NDST4: variants seen among roughly 807,000 people sequenced by gnomAD.
NDST4 encodes N-deacetylase and N-sulfotransferase 4.
NDST4 carries 63 observed loss-of-function variants against 100.8 expected under a neutral mutation model. That is an observed-to-expected ratio of 0.62 (90% CI 0.51 to 0.77). NDST4 has a LOEUF of 0.77. NDST4 is among the 30% of genes least tolerant of loss of function. The probability of loss-of-function intolerance (pLI) is 0.00; values close to 1 mark genes in which losing one functional copy is unlikely to be tolerated. For synonymous variants in NDST4, 377 were observed against 361.8 expected (o/e 1.04, Z -0.48); for missense variants, 943 against 1,018.4 (o/e 0.93, Z 1.01).
rs558836038 is a variant in NDST4, at chr4:114,975,794, T to C, written c.1066+1393A>G. ...TAATTTTTCCCCCTGCATGAGTAGA[T>C]ATAGCCTTTAAAGCTATCTGCTTTA... On this transcript the variant is annotated intron_variant, in intron 3 of 13. Coordinates refer to ENST00000264363, the MANE Select transcript of NDST4 (RefSeq NM_022569.3). 7.7e-4 allele frequency among the ~76,000 whole-genome samples: 117 copies of C among 152,240 alleles called. 1 individual carries two copies. Among genetic ancestry groups the C allele is most frequent in the South Asian group, 1.9e-3 (9 of 4,828 alleles).
At chr4:114,903,109 T>C (rs1724881091) in intron 6 of NDST4, among the ~76,000 whole-genome samples, 1 of 152,100 alleles carries the variant, frequency 6.6e-6, no homozygotes, top group Admixed American at 6.6e-5. Flanking sequence ...TTTGAAACTG[T>C]GTTTTCTGCC....
chr4:115,078,463 A>T (rs1349918774), intron 1 of NDST4, among the ~76,000 whole-genome samples: 1 of 152,164 alleles, frequency 6.6e-6, no homozygotes, highest in Non-Finnish European at 1.5e-5. Context: ...TGGGGACTGG[A>T]GAAAAGGTCA....
intron 3 of NDST4, 54 bp from the exon 4 acceptor site, chr4:114,970,638 AG>A: frequency 1.4e-6 from 2 of 1,480,090 alleles, no homozygotes; most frequent in Non-Finnish European, 1.8e-6. Flanking sequence ...ACTATCTTAA[AG>A]GTTATTTTTG....
chr4:114,872,234 T>TA (rs1724163820), intron 6 of NDST4, among the ~76,000 whole-genome samples: 1 of 151,978 alleles, frequency 6.6e-6, no homozygotes, highest in African/African-American at 2.4e-5. Flanking sequence ...CCTTTTATCT[T>TA]AAAAAATAAT....
intron 3 of NDST4, among the ~76,000 whole-genome samples, chr4:114,971,531 A>G (rs1000761138): frequency 6.6e-6 from 1 of 152,158 alleles, no homozygotes; most frequent in East Asian, 1.9e-4. Flanking sequence ...AATGTTGTGA[A>G]TCGATAACAT....
chr4:114,946,956 T>A (rs752530888), intron 4 of NDST4, among the ~76,000 whole-genome samples: 6 of 152,120 alleles, frequency 3.9e-5, no homozygotes, highest in Non-Finnish European at 8.8e-5. Flanking sequence ...CAGAAGTATG[T>A]GAAAGGTTTT....
At chr4:114,843,584 T>C (rs545249043) in intron 10 of NDST4, among the ~76,000 whole-genome samples, 1 of 152,310 alleles carries the variant, frequency 6.6e-6, no homozygotes, top group African/African-American at 2.4e-5. Flanking sequence ...GGCTTTGCTC[T>C]TTTTTACTGT....
intron 13 of NDST4, 82 bp from the exon 14 acceptor site, chr4:114,828,017 A>ATAGAT: frequency 7.9e-7 from 1 of 1,269,346 alleles, no homozygotes; most frequent in African/African-American, 1.5e-5. Flanking sequence ...CTTAAGGAAT[A>ATAGAT]TATCTACTAC....
chr4:114,951,250 C>G (rs1046170688), intron 4 of NDST4, among the ~76,000 whole-genome samples: 5 of 151,998 alleles, frequency 3.3e-5, no homozygotes, highest in Non-Finnish European at 7.4e-5. Flanking sequence ...CAATTTTTAT[C>G]ATCCATGTTC....
At chr4:114,941,142 C>T (rs779624133) in intron 4 of NDST4, among the ~76,000 whole-genome samples, 6 of 152,168 alleles carry the variant, frequency 3.9e-5, no homozygotes, top group African/African-American at 1.2e-4. Flanking sequence ...TTTACATTTA[C>T]GTGTAATATG....
At chr4:115,061,822 G>A (rs933421662) in intron 2 of NDST4, among the ~76,000 whole-genome samples, 1 of 151,914 alleles carries the variant, frequency 6.6e-6, no homozygotes, top group African/African-American at 2.4e-5. Context: ...CAAAATTGCA[G>A]GCTAATAGCT....
intron 2 of NDST4, among the ~76,000 whole-genome samples, chr4:115,061,940 A>T (rs1232084973): frequency 6.6e-6 from 1 of 152,102 alleles, no homozygotes; most frequent in Non-Finnish European, 1.5e-5. Flanking sequence ...TTAGTTAATC[A>T]TATATTTTAG....
chr4:115,010,475 G>T lies in NDST4; in HGVS notation c.979-33201C>A, dbSNP rs773183944. Among the ~76,000 whole-genome samples, 35 of 127,418 alleles carry T rather than the reference G, an allele frequency of 2.7e-4. 8 individuals carry two copies. The highest frequency in any genetic ancestry group is 7.8e-4 in the African/African-American group (26 of 33,504). The allele number at this position is 127,418 out of a possible 152,430, so 83.6% of individuals were successfully genotyped here. A position where few individuals can be genotyped will look rare whatever the true frequency, so the allele number is the denominator to read the frequency against. On this transcript the variant is annotated intron_variant, in intron 2 of 13. Coordinates refer to ENST00000264363, the MANE Select transcript of NDST4 (RefSeq NM_022569.3). The stretch of plus-strand genomic sequence containing the variant: ...ACCGCATATTCTTACTCATAGGTGG[G>T]AATTGAACAATGAGTACACATGGAC...
intron 11 of NDST4, among the ~76,000 whole-genome samples, chr4:114,837,114 C>T (rs1226579999): frequency 6.6e-6 from 1 of 152,112 alleles, no homozygotes; most frequent in Admixed American, 6.5e-5. Context: ...AAGCCTACTG[C>T]TGTCAATTCA....
At chr4:115,023,718 A>G (rs1227421398) in intron 2 of NDST4, among the ~76,000 whole-genome samples, 1 of 152,162 alleles carries the variant, frequency 6.6e-6, no homozygotes, top group Non-Finnish European at 1.5e-5. Context: ...ACAAGGGTGT[A>G]GCCATCCATC....
At chr4:114,848,367 A>G in intron 8 of NDST4, 29 bp from the exon 9 acceptor site, 1 of 1,491,986 alleles carries the variant, frequency 6.7e-7, no homozygotes, top group Non-Finnish European at 9.1e-7. Flanking sequence ...GTAAAAGGTT[A>G]TATGGCAATA....
intron 4 of NDST4, 37 bp from the exon 5 acceptor site, chr4:114,937,540 G>A (rs748517591): frequency 6.8e-7 from 1 of 1,471,628 alleles, no homozygotes; most frequent in South Asian, 1.4e-5. Flanking sequence ...GATGGGACAA[G>A]GCCAATTAAT....
intron 4 of NDST4, among the ~76,000 whole-genome samples, chr4:114,946,919 A>G (rs866756242): frequency 1.8e-4 from 27 of 152,036 alleles, no homozygotes; most frequent in African/African-American, 6.3e-4. Context: ...TTTTGTTACC[A>G]TTGTATTGAA....
chr4:114,997,175 T>C (rs1727183361), intron 2 of NDST4, among the ~76,000 whole-genome samples: 1 of 152,094 alleles, frequency 6.6e-6, no homozygotes. Context: ...TGGAGTATTT[T>C]TCACTTCCAC....
Sources: gnomAD v4.1 joint callset for allele counts (sites outside exome capture counted in the v4.1 genomes callset) on GRCh38, gnomAD v4.1.1 for gene constraint, MANE v1.5 for transcripts, NCBI Gene and HGNC (gene_info 2026-07-23, HGNC 2026-07-21) for gene names.